Variants in FBXO4 observed in about 807,000 individuals in gnomAD.
FBXO4 encodes the protein F-box only protein 4.
A neutral mutation model predicts 43.7 loss-of-function variants in FBXO4; 36 were observed. The ratio of observed to expected loss-of-function variants is 0.82; its 90% CI spans 0.63 to 1.09. FBXO4 has a LOEUF of 1.09. FBXO4 is among the 50% of genes least tolerant of loss of function. The pLI, the probability that FBXO4 is intolerant of heterozygous loss-of-function variation, is 0.00. For synonymous variants in FBXO4, 180 were observed against 165.6 expected, an observed-to-expected ratio of 1.09 and a Z score of -0.67; for missense variants, 435 against 474.1, an observed-to-expected ratio of 0.92 and a Z score of 0.77.
At chr5:41,937,839 C>T (rs959901840) in intron 5 of FBXO4, among the ~76,000 whole-genome samples, 5 of 152,098 alleles carry the variant, frequency 3.3e-5, no homozygotes, top group East Asian at 1.9e-4. Flanking sequence ...GGCTGCAAGC[C>T]GTTTTTAATG....
At chr5:41,966,059 A>G in the FBXO4 span, among the ~76,000 whole-genome samples, 1 of 152,204 alleles carries the variant, frequency 6.6e-6, no homozygotes, top group Non-Finnish European at 1.5e-5. Context: ...AAAAAACCAA[A>G]CACTGCATAT....
the FBXO4 span, among the ~76,000 whole-genome samples, chr5:42,004,490 T>G: frequency 7.2e-5 from 11 of 152,236 alleles, no homozygotes; most frequent in African/African-American, 2.4e-4. Flanking sequence ...AATCGATTAA[T>G]GAACAAAAAT....
the FBXO4 span, among the ~76,000 whole-genome samples, chr5:41,985,136 C>T: frequency 2.8e-4 from 43 of 152,138 alleles, 1 homozygote; most frequent in African/African-American, 1.0e-3. Flanking sequence ...AAACATCCAG[C>T]CTTGTGATTT....
Position 41,941,338 on chromosome 5 carries a change from A to G in FBXO4, c.*57A>G. 6.7e-7 allele frequency: 1 copy of G among 1,494,214 alleles called. No homozygotes were observed. The highest frequency in any genetic ancestry group is 9.3e-7 in the Non-Finnish European group (1 of 1,073,696). 92.6% of individuals were successfully genotyped at this position (1,494,214 alleles called of 1,614,324 possible). A position where few individuals can be genotyped will look rare whatever the true frequency, so the allele number is the denominator to read the frequency against. On this transcript the variant is annotated 3_prime_UTR_variant, in exon 7 of 7. Transcript: ENST00000281623. ...TTTGAAATTTATTACTAAGGTCGTG[A>G]TGTGAATATTTGCTCAGTCAGCCCA...
chr5:41,977,330 T>C, the FBXO4 span, among the ~76,000 whole-genome samples: 1 of 152,222 alleles, frequency 6.6e-6, no homozygotes, highest in Non-Finnish European at 1.5e-5. Context: ...CATGGCTAGC[T>C]TGCAAATTTT....
the FBXO4 span, among the ~76,000 whole-genome samples, chr5:42,005,696 C>T: frequency 1.3e-5 from 2 of 152,074 alleles, no homozygotes; most frequent in African/African-American, 2.4e-5. Flanking sequence ...TCCAGCTGTA[C>T]AGAAGTTGAT....
At chr5:41,977,205 T>C in the FBXO4 span, among the ~76,000 whole-genome samples, 11 of 152,156 alleles carry the variant, frequency 7.2e-5, no homozygotes, top group Non-Finnish European at 1.0e-4. Flanking sequence ...CTTTTTCCCA[T>C]TGGTCTTAGA....
chr5:42,039,114 A>G, the FBXO4 span, among the ~76,000 whole-genome samples: 1 of 152,098 alleles, frequency 6.6e-6, no homozygotes, highest in Non-Finnish European at 1.5e-5. Flanking sequence ...GCCCCGGTAT[A>G]GTAAAGTGAC....
chr5:41,967,946 G>T, the FBXO4 span: 1 of 510,494 alleles, frequency 2.0e-6, no homozygotes, highest in South Asian at 1.5e-5. Flanking sequence ...ATATGGCAGA[G>T]ACTTGCAGGA....
chr5:41,956,135 T>C, the FBXO4 span, among the ~76,000 whole-genome samples: 2 of 152,194 alleles, frequency 1.3e-5, no homozygotes, highest in South Asian at 2.1e-4. Context: ...GGAGAAAACC[T>C]ATCAATAATA....
chr5:42,022,537 T>A, the FBXO4 span, among the ~76,000 whole-genome samples: 4 of 152,116 alleles, frequency 2.6e-5, no homozygotes, highest in Non-Finnish European at 4.4e-5. Flanking sequence ...TTTACTCTGA[T>A]GCTATTTTAC....
the FBXO4 span, among the ~76,000 whole-genome samples, chr5:42,037,701 A>G: frequency 1.3e-5 from 2 of 152,106 alleles, no homozygotes; most frequent in Non-Finnish European, 2.9e-5. Context: ...AACTACTGAC[A>G]TCCACTGGTC....
chr5:41,942,604 C>T (rs1228768271), downstream of FBXO4, among the ~76,000 whole-genome samples: 1 of 151,976 alleles, frequency 6.6e-6, no homozygotes, highest in Non-Finnish European at 1.5e-5. Context: ...AAGCAAGATA[C>T]ATTTATTTTT....
the FBXO4 span, among the ~76,000 whole-genome samples, chr5:41,993,863 C>G: frequency 1.3e-4 from 20 of 152,084 alleles, no homozygotes; most frequent in African/African-American, 3.6e-4. Context: ...TTTTGCATTT[C>G]TCTGGCTGCT....
intron 5 of FBXO4, among the ~76,000 whole-genome samples, chr5:41,938,833 C>A (rs1394726861): frequency 6.6e-6 from 1 of 152,232 alleles, no homozygotes; most frequent in Non-Finnish European, 1.5e-5. Context: ...TAGAGGTCAC[C>A]TATATTCCTT....
Position 41,934,240 on chromosome 5 carries a change from C to T in FBXO4, c.830C>T (p.Pro277Leu), listed in dbSNP as rs1290970304. 6 of 1,614,054 alleles carry T rather than the reference C, an allele frequency of 3.7e-6. No individual in the cohort carries two copies. The African/African-American group carries it at 4.0e-5, about 11-fold the overall frequency. ...CAAGGAAGCCGGTACAGTGTGATTC[C>T]ACAGATTCAAAAAGTGTGTGAAGTT... Reference protein sequence around the residue: ...DQQGSRYSVIPQIQKVCEVVD... With the variant: ...DQQGSRYSVILQIQKVCEVVD... Residue 277 changes from proline (P) to leucine (L), a missense_variant, in exon 5 of 7, where the codon CCA becomes CTA. Transcript: ENST00000281623.
the FBXO4 span, among the ~76,000 whole-genome samples, chr5:42,018,201 T>A: frequency 6.6e-6 from 1 of 150,416 alleles, no homozygotes; most frequent in Non-Finnish European, 1.5e-5. Flanking sequence ...ATTATATGTA[T>A]TATATTTTTC....
the FBXO4 span, among the ~76,000 whole-genome samples, chr5:42,021,676 T>C: frequency 3.9e-5 from 6 of 152,122 alleles, no homozygotes; most frequent in African/African-American, 1.4e-4. Flanking sequence ...ACCAGAAGAT[T>C]AAGAGCAGAA....
At chr5:42,018,380 A>G in the FBXO4 span, among the ~76,000 whole-genome samples, 3 of 152,042 alleles carry the variant, frequency 2.0e-5, no homozygotes, top group Admixed American at 2.0e-4. Flanking sequence ...AAACAAGTGC[A>G]AAAATGCTGA....
Sources: gnomAD v4.1 joint callset for allele counts (sites outside exome capture counted in the v4.1 genomes callset) on GRCh38, gnomAD v4.1.1 for gene constraint, MANE v1.5 for transcripts, NCBI Gene and HGNC (gene_info 2026-07-23, HGNC 2026-07-21) for gene names.